The following MXRA7 variants were observed in gnomAD, a reference collection of about 807,000 sequenced individuals.
MXRA7 encodes matrix remodeling associated 7.
MXRA7 carries 18 observed loss-of-function variants against 17.4 expected under a neutral mutation model. That is an observed-to-expected ratio of 1.03 (90% CI 0.71 to 1.53). The LOEUF (loss-of-function observed/expected upper bound fraction) is 1.53. Among genes scored for constraint, MXRA7 ranks in the 40% most tolerant of loss-of-function variants. The pLI is 0.00. For missense variants in MXRA7, 141 were observed against 209.3 expected (o/e 0.67, Z 2.01); for synonymous variants, 70 against 101.7 (o/e 0.69, Z 1.87).
intron 2 of MXRA7, among the ~76,000 whole-genome samples, chr17:76,687,111 G>A (rs1261981380): frequency 6.6e-6 from 1 of 152,210 alleles, no homozygotes; most frequent in African/African-American, 2.4e-5. Flanking sequence ...AGGGACAGAT[G>A]CCAGGGCCAT....
At chr17:76,704,819 C>A (rs1403615643) in intron 1 of MXRA7, among the ~76,000 whole-genome samples, 2 of 149,326 alleles carry the variant, frequency 1.3e-5, no homozygotes, top group Non-Finnish European at 3.0e-5. Flanking sequence ...GGAAACAGTT[C>A]TGCATGAGGT....
At chr17:76,706,467 A>G (rs1311532643) in intron 1 of MXRA7, among the ~76,000 whole-genome samples, 1 of 152,202 alleles carries the variant, frequency 6.6e-6, no homozygotes, top group African/African-American at 2.4e-5. Flanking sequence ...CACTGCCATC[A>G]AAAAGGACCA....
downstream of MXRA7, chr17:76,679,535 T>A (rs1057285461): frequency 1.1e-6 from 1 of 944,320 alleles, no homozygotes; most frequent in Non-Finnish European, 1.3e-6. Context: ...GGATTTTGTT[T>A]TAAAACAAAG....
At chr17:76,700,698 C>G (rs1261737415) in intron 1 of MXRA7, among the ~76,000 whole-genome samples, 1 of 152,240 alleles carries the variant, frequency 6.6e-6, no homozygotes, top group Non-Finnish European at 1.5e-5. Context: ...AAGGGCCCTG[C>G]TCTCCGGAAC....
chr17:76,686,732 C>T (rs759149079), intron 2 of MXRA7, among the ~76,000 whole-genome samples: 26 of 152,166 alleles, frequency 1.7e-4, no homozygotes, highest in Non-Finnish European at 3.1e-4. Flanking sequence ...TTCACCTAGT[C>T]GCTCAGGGAA....
chr17:76,677,581 G>A (rs2143554754), downstream of MXRA7: 6 of 1,598,420 alleles, frequency 3.8e-6, no homozygotes, highest in Non-Finnish European at 5.1e-6. Flanking sequence ...CATCCCGTGG[G>A]CGCAGTCTAC....
intron 1 of MXRA7, among the ~76,000 whole-genome samples, chr17:76,700,314 G>A (rs190532931): frequency 3.7e-4 from 57 of 152,264 alleles, no homozygotes; most frequent in Admixed American, 3.7e-3. Context: ...CACTGATCTA[G>A]TGTGGCTTCC....
At chr17:76,679,422 T>G (rs1406526381), downstream of MXRA7, 2 of 174,960 alleles carry the variant, frequency 1.1e-5, no homozygotes, top group African/African-American at 2.4e-5. Flanking sequence ...ACAGCCATGG[T>G]GACTGCATAT....
chr17:76,697,082 C>G (rs962761145), intron 1 of MXRA7, among the ~76,000 whole-genome samples: 4 of 152,162 alleles, frequency 2.6e-5, no homozygotes, highest in African/African-American at 4.8e-5. Flanking sequence ...TATGCTGAAG[C>G]CTTGGCCCCA....
intron 3 of MXRA7, 55 bp downstream of exon 3, chr17:76,685,017 G>GGC: frequency 6.8e-7 from 1 of 1,477,104 alleles, no homozygotes; most frequent in Non-Finnish European, 9.4e-7. Context: ...GGCTCAGAGG[G>GGC]GCACCCCCCT....
intron 1 of MXRA7, 169 bp from the exon 2 acceptor site, chr17:76,688,345 T>C: frequency 6.9e-7 from 1 of 1,445,414 alleles, no homozygotes; most frequent in Non-Finnish European, 9.1e-7. Flanking sequence ...GGGGGCTGTG[T>C]ACAAACGATG....
intron 3 of MXRA7, among the ~76,000 whole-genome samples, chr17:76,683,598 G>A (rs1305015138): frequency 2.0e-5 from 3 of 152,202 alleles, no homozygotes; most frequent in Non-Finnish European, 4.4e-5. Context: ...CCAACCTGCC[G>A]GCCCATTAGG....
intron 1 of MXRA7, chr17:76,688,714 G>C: frequency 8.2e-7 from 1 of 1,223,692 alleles, no homozygotes; most frequent in Non-Finnish European, 1.0e-6. Flanking sequence ...ATAAACAGAT[G>C]ATCAGAGGAA....
chr17:76,691,201 T>C (rs2076475563), intron 1 of MXRA7, among the ~76,000 whole-genome samples: 1 of 152,160 alleles, frequency 6.6e-6, no homozygotes, highest in South Asian at 2.1e-4. Context: ...CCGATAGGGT[T>C]TGGAGAGCTT....
At chr17:76,692,660 A>G (rs2076490123) in intron 1 of MXRA7, among the ~76,000 whole-genome samples, 1 of 145,192 alleles carries the variant, frequency 6.9e-6, no homozygotes, top group Non-Finnish European at 1.6e-5. Context: ...ATGGGCGACC[A>G]AAGTCTTGGT....
rs901067865 is a variant in MXRA7, at chr17:76,680,463, G to C, written c.*404C>G. On this transcript the variant is annotated 3_prime_UTR_variant, in exon 4 of 4. Coordinates refer to ENST00000449428, the MANE Select transcript of MXRA7 (RefSeq NM_198530.4). ...ATTCCTCAAAGTCTTCTGTGGTTTG[G>C]CTTCAGTGAGGGCAAAAGAGGGGAG... The C allele has an allele frequency of 1.0e-6, 1 of 992,594 alleles. No homozygotes were observed. Among genetic ancestry groups the C allele is most frequent in the African/African-American group, 1.7e-5 (1 of 57,436 alleles). 61.5% of individuals were successfully genotyped at this position (992,594 alleles called of 1,614,324 possible).
intron 1 of MXRA7, among the ~76,000 whole-genome samples, chr17:76,698,069 C>T (rs961091498): frequency 1.3e-5 from 2 of 152,150 alleles, no homozygotes; most frequent in Non-Finnish European, 2.9e-5. Context: ...GCCCTGTGGC[C>T]ACCAGAGCTG....
chr17:76,679,541 C>G (rs2076271325), downstream of MXRA7: 1 of 952,376 alleles, frequency 1.1e-6, no homozygotes, highest in Non-Finnish European at 1.3e-6. Context: ...TGTTTTAAAA[C>G]AAAGCAAACT....
At position 76,681,440 on chromosome 17, in the gene MXRA7, G is replaced by A. The variant is rs1205369999; in HGVS notation, c.501-561C>T. Among the ~76,000 whole-genome samples, 1 of 152,064 alleles carries A rather than the reference G, an allele frequency of 6.6e-6. No individual in the cohort carries two copies. Among genetic ancestry groups the A allele is most frequent in the South Asian group, 2.1e-4 (1 of 4,804 alleles). ...CTCTCCTGGTGGTCACAGTCAGCAC[G>A]CATTTCCAGCCTGAGCTGGAAATTC... On this transcript the variant is annotated intron_variant, in intron 3 of 3. Coordinates refer to ENST00000449428, the MANE Select transcript of MXRA7 (RefSeq NM_198530.4). This position sits in a 1 kb window ranked among gnomAD's most constrained non-coding sequence, Gnocchi z 4.7.
Sources: allele counts gnomAD v4.1 joint callset (sites outside exome capture counted in the v4.1 genomes callset), GRCh38; gene constraint gnomAD v4.1.1; non-coding constraint Gnocchi (gnomAD v3.1); transcripts MANE v1.5; gene names NCBI Gene and HGNC (gene_info 2026-07-23, HGNC 2026-07-21).